DERA: variants seen among roughly 807,000 people sequenced by gnomAD.
DERA encodes the protein deoxyribose-phosphate aldolase.
A neutral mutation model predicts 41.1 loss-of-function variants in DERA; 15 were observed. The ratio of observed to expected loss-of-function variants is 0.37; its 90% CI spans 0.24 to 0.56. DERA has a LOEUF of 0.56. Ranked by LOEUF, DERA falls within the 20% of genes least tolerant of loss-of-function variation. The pLI is 0.81. For synonymous variants in DERA, 139 were observed against 137.4 expected, an observed-to-expected ratio of 1.01 and a Z score of -0.08; for missense variants, 396 against 403.4, an observed-to-expected ratio of 0.98 and a Z score of 0.16.
At position 15,992,052 on chromosome 12, in the gene DERA, AC is replaced by A; in HGVS notation, c.637+9617del. On this transcript the variant is annotated intron_variant, in intron 6 of 8. Transcript: ENST00000428559. This position sits in a 1 kb window ranked among gnomAD's most constrained non-coding sequence, Gnocchi z 4.3. ...CATTTGTAACATAGTATCAGCATCA[AC>A]TGTTTTACCTGTTAGATTTTTTTTT... Among the ~76,000 whole-genome samples, 2 of 149,900 alleles carry A rather than the reference AC, an allele frequency of 1.3e-5. No individual in the cohort carries two copies. The highest frequency in any genetic ancestry group is 4.2e-4 in the South Asian group (2 of 4,774).
At chr12:15,962,745 C>T (rs1339432003) in intron 4 of DERA, 68 bp from the exon 5 acceptor site, 34 of 1,364,860 alleles carry the variant, frequency 2.5e-5, no homozygotes, top group Non-Finnish European at 3.3e-5. Context: ...GTTTTCCCCT[C>T]CCCCCCTTGC....
chr12:16,004,833 T>G lies in DERA; in HGVS notation c.637+22397T>G, dbSNP rs1476594016. Among the ~76,000 whole-genome samples, 1 of 152,192 alleles carries G rather than the reference T, an allele frequency of 6.6e-6. No homozygotes were observed. The highest frequency in any genetic ancestry group is 1.5e-5 in the Non-Finnish European group (1 of 68,042). The stretch of plus-strand genomic sequence containing the variant: ...TTTCCAAAATCAAGGTTAGGAACCA[T>G]TGATTTATAAAGATCGTCTGCATAT... On this transcript the variant is annotated intron_variant, in intron 6 of 8. Coordinates refer to ENST00000428559, the MANE Select transcript of DERA (RefSeq NM_015954.4). The surrounding 1 kb of genome is among the most constrained non-coding windows in gnomAD (Gnocchi z 4.2).
At chr12:15,973,868 G>A (rs896259141) in intron 5 of DERA, among the ~76,000 whole-genome samples, 2 of 151,928 alleles carry the variant, frequency 1.3e-5, no homozygotes, top group Non-Finnish European at 2.9e-5. Context: ...AAGCCCTCCT[G>A]TAAGAAAAAT....
chr12:16,029,375 C>T (rs898309641), intron 6 of DERA, among the ~76,000 whole-genome samples: 1 of 152,124 alleles, frequency 6.6e-6, no homozygotes, highest in Non-Finnish European at 1.5e-5. Flanking sequence ...TGCAGTGAGC[C>T]GAGATCGCGC....
In DERA at chr12:16,012,782, T is replaced by C. The variant is rs1408182393; in HGVS notation, c.638-19760T>C. Among the ~76,000 whole-genome samples the C allele has an allele frequency of 6.6e-6, 1 of 152,218 alleles. No individual in the cohort carries two copies. The highest frequency in any genetic ancestry group is 1.5e-5 in the Non-Finnish European group (1 of 68,040). ...CTGTAAAAATGCTGTTGAACAGATA[T>C]ATTTAATTTAAAAATTTTTAATAAC... is the stretch of plus-strand genomic sequence containing the variant. On this transcript the variant is annotated intron_variant, in intron 6 of 8. Coordinates refer to ENST00000428559, the MANE Select transcript of DERA (RefSeq NM_015954.4). This position sits in a 1 kb window ranked among gnomAD's most constrained non-coding sequence, Gnocchi z 4.1.
chr12:16,007,913 T>C (rs1015955047), intron 6 of DERA, among the ~76,000 whole-genome samples: 3 of 152,118 alleles, frequency 2.0e-5, no homozygotes, highest in African/African-American at 7.2e-5. Context: ...TGCAGTGGCA[T>C]AGTCTTGGCT....
intron 6 of DERA, among the ~76,000 whole-genome samples, chr12:16,031,157 A>G (rs1265417427): frequency 6.6e-6 from 1 of 152,236 alleles, no homozygotes; most frequent in Non-Finnish European, 1.5e-5. Flanking sequence ...TTCAAAGGTA[A>G]CTATCAGAGC....
In DERA at chr12:16,036,772, C is replaced by T. The variant is rs763878829; in HGVS notation, c.*26C>T. 2 of 1,520,240 alleles carry T rather than the reference C, an allele frequency of 1.3e-6. No individual in the cohort carries two copies. Among genetic ancestry groups the T allele is most frequent in the South Asian group, 2.4e-5 (2 of 81,928 alleles). The allele number at this position is 1,520,240 out of a possible 1,614,324, so 94.2% of individuals were successfully genotyped here. On this transcript the variant is annotated 3_prime_UTR_variant, in exon 9 of 9. Transcript: ENST00000428559. The surrounding 1 kb of genome is among the most constrained non-coding windows in gnomAD (Gnocchi z 4.9). Reference sequence around the variant, plus strand: ...ATCAGTCACCAGTTCCAGAAAAGTTCTTTACGACAATGTTTAAAAATTATT... The same window carrying T: ...ATCAGTCACCAGTTCCAGAAAAGTTTTTTACGACAATGTTTAAAAATTATT...
chr12:15,953,482 G>C (rs1263872215), intron 1 of DERA, among the ~76,000 whole-genome samples: 2 of 152,074 alleles, frequency 1.3e-5, no homozygotes, highest in African/African-American at 4.8e-5. Flanking sequence ...TGTGAGAAGA[G>C]TATTTGAGGA....
chr12:15,931,355 A>G lies in DERA; in HGVS notation c.31+19941A>G, dbSNP rs1475837431. Reference sequence around the variant, plus strand: ...GAAAGAGTTAAGTGGATTTTCTCTGAAGCGCTTGGTTCCTAGAATAATTGA... The same window carrying G: ...GAAAGAGTTAAGTGGATTTTCTCTGGAGCGCTTGGTTCCTAGAATAATTGA... On this transcript the variant is annotated intron_variant, in intron 1 of 8. Transcript: ENST00000428559. The surrounding 1 kb of genome is among the most constrained non-coding windows in gnomAD (Gnocchi z 4.6). 6.6e-6 allele frequency among the ~76,000 whole-genome samples: 1 copy of G among 152,184 alleles called. No homozygotes were observed. The highest frequency in any genetic ancestry group is 1.5e-5 in the Non-Finnish European group (1 of 68,024).
rs953754471 is a variant in DERA, at chr12:16,009,620, G to A, written c.638-22922G>A. Among the ~76,000 whole-genome samples, 2 of 151,916 alleles carry A rather than the reference G, an allele frequency of 1.3e-5. No homozygotes were observed. Among genetic ancestry groups the A allele is most frequent in the African/African-American group, 2.4e-5 (1 of 41,352 alleles). On this transcript the variant is annotated intron_variant, in intron 6 of 8. Transcript: ENST00000428559. The surrounding 1 kb of genome is among the most constrained non-coding windows in gnomAD (Gnocchi z 5.3). ...ATTGTGAATCTCATTTTCCATTTTG[G>A]TAATAAATTTAACAGCTGAATTTTT...
At chr12:16,005,522 C>A (rs1446405540) in intron 6 of DERA, among the ~76,000 whole-genome samples, 1 of 152,156 alleles carries the variant, frequency 6.6e-6, no homozygotes, top group Non-Finnish European at 1.5e-5. Context: ...GAACTATTTT[C>A]TGCTAAAACT....
rs1948419820 is a variant in DERA at position 15,943,050 on chromosome 12, G to GGAGA, written c.32-13884_32-13881dup. ...GTTACTTAGAGCATAGAGTGGTTGG[G>GGAGA]GAGAGGGACAGCGATGTCACCCCTG... is the stretch of plus-strand genomic sequence containing the variant. On this transcript the variant is annotated intron_variant, in intron 1 of 8. Transcript: ENST00000428559. The surrounding 1 kb of genome is among the most constrained non-coding windows in gnomAD (Gnocchi z 4.5). 6.6e-6 allele frequency among the ~76,000 whole-genome samples: 1 copy of GGAGA among 152,086 alleles called. No individual in the cohort carries two copies. The highest frequency in any genetic ancestry group is 2.1e-4 in the South Asian group (1 of 4,822).
At chr12:15,973,832 A>C (rs1948680200) in intron 5 of DERA, among the ~76,000 whole-genome samples, 1 of 152,148 alleles carries the variant, frequency 6.6e-6, no homozygotes, top group Non-Finnish European at 1.5e-5. Flanking sequence ...AAGTTATAGA[A>C]GCCATAGAGT....
At position 16,001,005 on chromosome 12, in the gene DERA, T is replaced by C. The variant is rs2136172997; in HGVS notation, c.637+18569T>C. Among the ~76,000 whole-genome samples, 1 of 152,332 alleles carries C rather than the reference T, an allele frequency of 6.6e-6. No individual in the cohort carries two copies. Among genetic ancestry groups the C allele is most frequent in the East Asian group, 1.9e-4 (1 of 5,186 alleles). ...AATCCTTAAAAGTGCTCTGAGACAT[T>C]TTCATTATTGTCAGTATTTTCTAAA... is the stretch of plus-strand genomic sequence containing the variant. On this transcript the variant is annotated intron_variant, in intron 6 of 8. Coordinates refer to ENST00000428559, the MANE Select transcript of DERA (RefSeq NM_015954.4). The surrounding 1 kb of genome is among the most constrained non-coding windows in gnomAD (Gnocchi z 4.1).
At chr12:16,028,825 C>A (rs1251901791) in intron 6 of DERA, among the ~76,000 whole-genome samples, 1 of 152,172 alleles carries the variant, frequency 6.6e-6, no homozygotes, top group East Asian at 1.9e-4. Context: ...CCAGTACTTT[C>A]AAAACTGTCA....
chr12:16,022,350 A>G (rs1382929198), intron 6 of DERA, among the ~76,000 whole-genome samples: 1 of 152,228 alleles, frequency 6.6e-6, no homozygotes, highest in Admixed American at 6.5e-5. Context: ...CAATCCTGAT[A>G]CAACACTTCT....
In DERA at chr12:16,032,581, T is replaced by C. The variant is rs2136190132; in HGVS notation, c.677T>C (p.Val226Ala). ...FIKTSTGKETVNATFPVAIVM... is the reference protein window; with the variant it reads ...FIKTSTGKETANATFPVAIVM... ...AAGACCTCTACTGGAAAAGAAACAG[T>C]AAATGCCACCTTCCCGGTAGCTATA... The change falls in exon 7 of 9, where the codon GTA becomes GCA. Residue 226 changes from valine (V) to alanine (A), a missense_variant. Val to Ala is a moderately conservative substitution (Grantham distance 64). Coordinates refer to ENST00000428559, the MANE Select transcript of DERA (RefSeq NM_015954.4). 2 of 1,564,222 alleles carry C rather than the reference T, an allele frequency of 1.3e-6. No individual in the cohort carries two copies. Among genetic ancestry groups the C allele is most frequent in the African/African-American group, 1.4e-5 (1 of 73,658 alleles).
In DERA at chr12:15,911,355, C is replaced by G. The variant is rs1024225305; in HGVS notation, c.-29C>G. 7 of 1,426,706 alleles carry G rather than the reference C, an allele frequency of 4.9e-6. No homozygotes were observed. In the African/African-American group the frequency reaches 7.5e-5, roughly 15 times the overall value. 88.4% of individuals were successfully genotyped at this position (1,426,706 alleles called of 1,614,324 possible). On this transcript the variant is annotated 5_prime_UTR_variant, in exon 1 of 9. Coordinates refer to ENST00000428559, the MANE Select transcript of DERA (RefSeq NM_015954.4). This position sits in a 1 kb window ranked among gnomAD's most constrained non-coding sequence, Gnocchi z 4.5. The stretch of plus-strand genomic sequence containing the variant: ...GCGCGGCGCAGAGGCGGGCGCCTAC[C>G]AGCCGGCAGCTCCGGAGCTGCCCGC...
Sources: allele counts gnomAD v4.1 joint callset (sites outside exome capture counted in the v4.1 genomes callset), GRCh38; gene constraint gnomAD v4.1.1; non-coding constraint Gnocchi (gnomAD v3.1); transcripts MANE v1.5; gene names NCBI Gene and HGNC (gene_info 2026-07-23, HGNC 2026-07-21).